The following GRM7 variants were observed in gnomAD, a reference collection of about 807,000 sequenced individuals.
GRM7 encodes the protein glutamate metabotropic receptor 7.
Under a neutral mutation model 84.5 loss-of-function variants are expected in GRM7, and 35 were observed. The ratio of observed to expected loss-of-function variants is 0.41; its 90% CI spans 0.32 to 0.55. The LOEUF is 0.55. GRM7 is among the 20% of genes least tolerant of loss of function. GRM7 has a pLI of 0.19. For synonymous variants in GRM7, 487 were observed against 455.1 expected (o/e 1.07, Z -0.89); for missense variants, 1,003 against 1,194.6 (o/e 0.84, Z 2.36).
chr3:7,451,745 C>A (rs945554433), intron 5 of GRM7: 4 of 152,192 alleles, frequency 2.6e-5, no homozygotes, highest in Non-Finnish European at 4.4e-5. Flanking sequence ...AATCCCACAT[C>A]CACAGCTTTC....
chr3:7,732,205 C>T (rs964118077), intron 9 of GRM7, among the ~76,000 whole-genome samples: 3 of 151,876 alleles, frequency 2.0e-5, no homozygotes, highest in African/African-American at 7.3e-5. Context: ...ATGCTGTGGT[C>T]TTTCTTTATG....
chr3:7,314,563 C>T (rs1700517832), intron 4 of GRM7, among the ~76,000 whole-genome samples: 1 of 150,078 alleles, frequency 6.7e-6, no homozygotes, highest in Non-Finnish European at 1.5e-5. Context: ...AATCAATAGG[C>T]ACAATAAGTA....
chr3:7,087,415 C>A (rs6783374), intron 1 of GRM7, among the ~76,000 whole-genome samples: 28 of 150,384 alleles, frequency 1.9e-4, no homozygotes, highest in African/African-American at 6.1e-4. Context: ...TTACCCCAAC[C>A]GAAAAATTAC....
intron 1 of GRM7, among the ~76,000 whole-genome samples, chr3:6,873,074 C>T (rs893198334): frequency 5.3e-5 from 8 of 152,246 alleles, no homozygotes; most frequent in Middle Eastern, 3.4e-3. Flanking sequence ...TTTTCACTCC[C>T]ACCAACATTT....
intron 4 of GRM7, among the ~76,000 whole-genome samples, chr3:7,312,407 T>A (rs1700430801): frequency 6.6e-6 from 1 of 152,064 alleles, no homozygotes; most frequent in East Asian, 2.0e-4. Flanking sequence ...TAGACTCATA[T>A]GAGAGAAGTA....
At chr3:7,174,761 G>A (rs182115328) in intron 2 of GRM7, among the ~76,000 whole-genome samples, 105 of 152,288 alleles carry the variant, frequency 6.9e-4, no homozygotes, top group African/African-American at 2.4e-3. Context: ...CTAGTCATGT[G>A]GCTTTGCCTA....
intron 4 of GRM7, among the ~76,000 whole-genome samples, chr3:7,323,320 A>G (rs925620910): frequency 1.3e-5 from 2 of 152,124 alleles, no homozygotes; most frequent in Admixed American, 1.3e-4. Flanking sequence ...TTACTTTGAA[A>G]GGTTAGTCTT....
chr3:6,914,699 C>A (rs1184872306), intron 1 of GRM7, among the ~76,000 whole-genome samples: 3 of 152,082 alleles, frequency 2.0e-5, no homozygotes, highest in Non-Finnish European at 2.9e-5. Flanking sequence ...CCGTGCCCGG[C>A]CCTATTTTCA....
At chr3:7,334,668 A>G (rs1466038716) in intron 4 of GRM7, among the ~76,000 whole-genome samples, 1 of 152,150 alleles carries the variant, frequency 6.6e-6, no homozygotes, top group Non-Finnish European at 1.5e-5. Context: ...TGCTGTCTTC[A>G]AGAGACTCAT....
At chr3:7,618,365 A>G (rs559712156) in intron 8 of GRM7, among the ~76,000 whole-genome samples, 97 of 152,250 alleles carry the variant, frequency 6.4e-4, no homozygotes, top group Non-Finnish European at 8.8e-4. Flanking sequence ...GTGCCATTAC[A>G]TGTTTGTTAA....
intron 1 of GRM7, among the ~76,000 whole-genome samples, chr3:7,128,811 ACTT>A (rs1693491396): frequency 6.6e-6 from 1 of 151,992 alleles, no homozygotes; most frequent in African/African-American, 2.4e-5. Context: ...CCTGACCCAG[ACTT>A]CTTAATTGCC....
chr3:7,607,984 T>C, intron 8 of GRM7: 1 of 289,596 alleles, frequency 3.5e-6, no homozygotes, highest in Admixed American at 3.6e-5. Flanking sequence ...ACACACCATA[T>C]TCTGTTTTCT....
At chr3:7,738,924 T>G (rs899829813) in intron 9 of GRM7, among the ~76,000 whole-genome samples, 2 of 152,150 alleles carry the variant, frequency 1.3e-5, no homozygotes, top group African/African-American at 2.4e-5. Flanking sequence ...AAGACAACAC[T>G]GGGATAATGG....
intron 8 of GRM7, among the ~76,000 whole-genome samples, chr3:7,646,564 C>T (rs1045852303): frequency 7.2e-5 from 11 of 152,226 alleles, no homozygotes; most frequent in Non-Finnish European, 1.6e-4. Context: ...TCTTGATGGT[C>T]CTTGTTAGTG....
chr3:7,486,877 G>A lies in GRM7; in HGVS notation c.1515+25155G>A, dbSNP rs1311615991. ...CTGGCAGAGATTTAAAGAGTTTGAA[G>A]GAGCAGACTAGAAAAAGCCTAGATT... On this transcript the variant is annotated intron_variant, in intron 7 of 9. Coordinates refer to ENST00000357716, the MANE Select transcript of GRM7 (RefSeq NM_000844.4). This position sits in a 1 kb window ranked among gnomAD's most constrained non-coding sequence, Gnocchi z 5.5. 6.6e-6 allele frequency among the ~76,000 whole-genome samples: 1 copy of A among 152,166 alleles called. No individual in the cohort carries two copies. Among genetic ancestry groups the A allele is most frequent in the Admixed American group, 6.6e-5 (1 of 15,266 alleles).
intron 5 of GRM7, among the ~76,000 whole-genome samples, chr3:7,440,191 G>T (rs1416915749): frequency 6.6e-6 from 1 of 152,186 alleles, no homozygotes; most frequent in Non-Finnish European, 1.5e-5. Flanking sequence ...GAATGTTCTA[G>T]AGGAGGGAAG....
chr3:7,649,520 C>A (rs551189056), intron 8 of GRM7, among the ~76,000 whole-genome samples: 1 of 152,054 alleles, frequency 6.6e-6, no homozygotes, highest in Non-Finnish European at 1.5e-5. Context: ...TTGTCTCTTG[C>A]GATTTTTTGT....
intron 1 of GRM7, among the ~76,000 whole-genome samples, chr3:7,030,135 C>T (rs968932083): frequency 1.3e-5 from 2 of 151,998 alleles, no homozygotes; most frequent in South Asian, 2.1e-4. Flanking sequence ...TCAAGGCAAA[C>T]ATCAACTTTG....
At position 7,159,863 on chromosome 3, in the gene GRM7, T is replaced by A. The variant is rs1694570094; in HGVS notation, c.736+13195T>A. ...TATTTTAAAAACTAAAAGTTCAAAA[T>A]CAGTGGTGACATGAGGACTTATTTA... is the stretch of plus-strand genomic sequence containing the variant. On this transcript the variant is annotated intron_variant, in intron 2 of 9. Coordinates refer to ENST00000357716, the MANE Select transcript of GRM7 (RefSeq NM_000844.4). Among the ~76,000 whole-genome samples, 4 of 152,108 alleles carry A rather than the reference T, an allele frequency of 2.6e-5. No homozygotes were observed. The South Asian group carries it at 8.3e-4, about 32-fold the overall frequency.
Sources: gnomAD v4.1 joint callset for allele counts (sites outside exome capture counted in the v4.1 genomes callset) on GRCh38, gnomAD v4.1.1 for gene constraint, Gnocchi (gnomAD v3.1) non-coding constraint, MANE v1.5 for transcripts, NCBI Gene and HGNC (gene_info 2026-07-23, HGNC 2026-07-21) for gene names.